Variants in PAK5 observed in about 807,000 individuals in gnomAD.
PAK5 encodes the protein serine/threonine-protein kinase PAK 5.
In PAK5, 16 loss-of-function variants were observed where a neutral mutation model predicts 65.9. That is an observed-to-expected ratio of 0.24 (90% CI 0.16 to 0.37). PAK5 has a LOEUF of 0.37. Ranked by LOEUF, PAK5 falls within the 10% of genes least tolerant of loss-of-function variation. PAK5 has a pLI of 1.00. For missense variants in PAK5, 785 were observed against 903.9 expected, an observed-to-expected ratio of 0.87 and a Z score of 1.69; for synonymous variants, 371 against 354.9, an observed-to-expected ratio of 1.05 and a Z score of -0.51.
intron 2 of PAK5, among the ~76,000 whole-genome samples, chr20:9,677,154 C>T (rs1424559247): frequency 1.3e-5 from 2 of 151,260 alleles, no homozygotes; most frequent in Non-Finnish European, 2.9e-5. Context: ...AAATTTAAAG[C>T]AATAAAAATA....
chr20:9,772,342 G>A (rs1316401823), intron 1 of PAK5, among the ~76,000 whole-genome samples: 2 of 152,190 alleles, frequency 1.3e-5, no homozygotes, highest in Non-Finnish European at 2.9e-5. Context: ...ACTATTAGGA[G>A]AAGGATGATC....
chr20:9,823,177 C>T (rs2049443197), intron 1 of PAK5, among the ~76,000 whole-genome samples: 1 of 152,232 alleles, frequency 6.6e-6, no homozygotes, highest in East Asian at 1.9e-4. Context: ...CATCCTTTTC[C>T]CTCTGGAGGA....
chr20:9,553,039 T>G (rs1228328740), intron 7 of PAK5, among the ~76,000 whole-genome samples: 1 of 152,106 alleles, frequency 6.6e-6, no homozygotes, highest in Non-Finnish European at 1.5e-5. Flanking sequence ...CTTTTTAATT[T>G]TTAAATAATG....
chr20:9,718,779 T>C (rs77944809), intron 1 of PAK5, among the ~76,000 whole-genome samples: 2 of 152,338 alleles, frequency 1.3e-5, no homozygotes, highest in South Asian at 4.1e-4. Context: ...TTCATCACTC[T>C]GCCAATTTTT....
In PAK5 at chr20:9,735,067, A is replaced by G. The variant is rs186175553; in HGVS notation, c.-161-23632T>C. On this transcript the variant is annotated intron_variant, in intron 1 of 9. Transcript: ENST00000353224. Reference sequence around the variant, plus strand: ...TAAAGATCAGATCTCATTCTTTAAAATAACCCTACCAATTGGTTGTAGACA... The same window carrying G: ...TAAAGATCAGATCTCATTCTTTAAAGTAACCCTACCAATTGGTTGTAGACA... 3.3e-5 allele frequency among the ~76,000 whole-genome samples: 5 copies of G among 152,346 alleles called. No individual in the cohort carries two copies. In the East Asian group the frequency reaches 9.6e-4, roughly 29 times the overall value.
intron 2 of PAK5, among the ~76,000 whole-genome samples, chr20:9,693,753 C>T (rs1043894625): frequency 4.6e-5 from 7 of 152,100 alleles, no homozygotes; most frequent in East Asian, 1.9e-4. Context: ...ATACGCATTA[C>T]GACCAGCTGC....
At chr20:9,579,064 G>A (rs2045934869) in intron 4 of PAK5, among the ~76,000 whole-genome samples, 1 of 152,186 alleles carries the variant, frequency 6.6e-6, no homozygotes, top group South Asian at 2.1e-4. Context: ...TGAGGTTAAT[G>A]AGAAATAAGA....
chr20:9,637,783 A>G (rs185688762), intron 3 of PAK5, among the ~76,000 whole-genome samples: 250 of 152,344 alleles, frequency 1.6e-3, no homozygotes, highest in Non-Finnish European at 3.0e-3. Context: ...TATTATTTGT[A>G]TAATTCTACC....
At chr20:9,633,070 G>T (rs1287064536) in intron 3 of PAK5, among the ~76,000 whole-genome samples, 1 of 152,160 alleles carries the variant, frequency 6.6e-6, no homozygotes, top group African/African-American at 2.4e-5. Flanking sequence ...TGTCCTATAA[G>T]GTTGCACAAC....
At chr20:9,770,713 A>G (rs2123675392) in intron 1 of PAK5, among the ~76,000 whole-genome samples, 1 of 152,254 alleles carries the variant, frequency 6.6e-6, no homozygotes, top group East Asian at 1.9e-4. Context: ...GAAAATTGGG[A>G]CATGAAGAGA....
chr20:9,738,170 C>G lies in PAK5; in HGVS notation c.-161-26735G>C, dbSNP rs1013892108. On this transcript the variant is annotated intron_variant, in intron 1 of 9. Coordinates refer to ENST00000353224, the MANE Select transcript of PAK5 (RefSeq NM_177990.4). ...AACAAAAAACAAACAAACAAACAAA[C>G]AAAAAAACAATGTGGAGGAACTGGA... Among the ~76,000 whole-genome samples the G allele has an allele frequency of 2.7e-5, 4 of 150,278 alleles. No homozygotes were observed. The East Asian group carries it at 6.0e-4, about 22-fold the overall frequency.
rs1012389973 is a variant in PAK5, at chr20:9,609,547, T to C, written c.205-28617A>G. ...GCCTGCGTTTATGGTGGGGGTCACATGGAGCAAATGAGTCCACCAAAGGCA... is the reference window on the plus strand; with the variant it reads ...GCCTGCGTTTATGGTGGGGGTCACACGGAGCAAATGAGTCCACCAAAGGCA... On this transcript the variant is annotated intron_variant, in intron 3 of 9. Transcript: ENST00000353224. Among the ~76,000 whole-genome samples the C allele has an allele frequency of 2.6e-5, 4 of 152,148 alleles. No homozygotes were observed. In the South Asian group the frequency reaches 8.3e-4, roughly 32 times the overall value.
At position 9,823,821 on chromosome 20, in the gene PAK5, G is replaced by GC. The variant is rs546935176; in HGVS notation, c.-162+14940_-162+14941insG. Among the ~76,000 whole-genome samples, 19 of 152,106 alleles carry GC rather than the reference G, an allele frequency of 1.2e-4. No individual in the cohort carries two copies. In the South Asian group the frequency reaches 3.3e-3, roughly 27 times the overall value. On this transcript the variant is annotated intron_variant, in intron 1 of 9. Coordinates refer to ENST00000353224, the MANE Select transcript of PAK5 (RefSeq NM_177990.4). ...CTTGCCTCAAGGTCTGTTTCTGGGG[G>GC]GGAAATCCTAACTAAAATAGAGGAA...
At chr20:9,699,630 T>C (rs1222677853) in intron 2 of PAK5, among the ~76,000 whole-genome samples, 1 of 149,866 alleles carries the variant, frequency 6.7e-6, no homozygotes, top group African/African-American at 2.5e-5. Flanking sequence ...AACATATACA[T>C]AAGTAATGCT....
In PAK5 at chr20:9,590,789, C is replaced by T. The variant is rs568159278; in HGVS notation, c.205-9859G>A. Among the ~76,000 whole-genome samples the T allele has an allele frequency of 2.6e-5, 4 of 152,116 alleles. 1 individual carries two copies. In the South Asian group the frequency reaches 8.3e-4, roughly 32 times the overall value. On this transcript the variant is annotated intron_variant, in intron 3 of 9. Transcript: ENST00000353224. ...CTCCTGAAGAAATGCAGTTTGTTGG[C>T]CAAGTCAATTGACTAGAATAAGCAA...
intron 3 of PAK5, among the ~76,000 whole-genome samples, chr20:9,593,881 A>C (rs1224946587): frequency 6.6e-6 from 1 of 151,598 alleles, no homozygotes; most frequent in Non-Finnish European, 1.5e-5. Flanking sequence ...ATGTGTTCAC[A>C]TTTAAAATAT....
At chr20:9,719,970 AAC>A (rs1333029610) in intron 1 of PAK5, among the ~76,000 whole-genome samples, 2 of 152,326 alleles carry the variant, frequency 1.3e-5, no homozygotes, top group Admixed American at 6.5e-5. Context: ...GGTAAAAGAT[AAC>A]AGTTTACAAC....
In PAK5 at chr20:9,747,166, C is replaced by A. The variant is rs188564036; in HGVS notation, c.-161-35731G>T. Reference sequence around the variant, plus strand: ...GTTGACTCTCTGAATAGACCAATAACAGGAGCTGAAATTGTGGCAATAATC... The same window carrying A: ...GTTGACTCTCTGAATAGACCAATAAAAGGAGCTGAAATTGTGGCAATAATC... On this transcript the variant is annotated intron_variant, in intron 1 of 9. Transcript: ENST00000353224. Among the ~76,000 whole-genome samples the A allele has an allele frequency of 4.6e-5, 7 of 152,244 alleles. No individual in the cohort carries two copies. In the East Asian group the frequency reaches 1.4e-3, roughly 29 times the overall value.
chr20:9,660,906 G>A (rs939906006), intron 2 of PAK5, among the ~76,000 whole-genome samples: 9 of 152,092 alleles, frequency 5.9e-5, no homozygotes, highest in African/African-American at 1.9e-4. Context: ...TTCAAGTGTG[G>A]TCGCAGACCA....
Sources: allele counts gnomAD v4.1 joint callset (sites outside exome capture counted in the v4.1 genomes callset), GRCh38; gene constraint gnomAD v4.1.1; transcripts MANE v1.5; gene names NCBI Gene and HGNC (gene_info 2026-07-23, HGNC 2026-07-21).